The following RARB variants were observed in gnomAD, a reference collection of about 807,000 sequenced individuals.
The protein encoded by RARB is HBV-activated protein.
A neutral mutation model predicts 51.9 loss-of-function variants in RARB; 17 were observed. That is an observed-to-expected ratio of 0.33 (90% CI 0.22 to 0.49). RARB has a LOEUF of 0.49. RARB is among the 20% of genes least tolerant of loss of function. The pLI, the probability that RARB is intolerant of heterozygous loss-of-function variation, is 0.99. For missense variants in RARB, 369 were observed against 550.8 expected, an observed-to-expected ratio of 0.67 and a Z score of 3.30; for synonymous variants, 215 against 195.4, an observed-to-expected ratio of 1.10 and a Z score of -0.84.
intron 5 of RARB, among the ~76,000 whole-genome samples, chr3:25,178,907 CTGTTT>C (rs1476335765): frequency 1.3e-5 from 2 of 152,096 alleles, no homozygotes; most frequent in Admixed American, 6.5e-5. Context: ...GCTGCTTGTT[CTGTTT>C]TATTGCTGCA....
At chr3:25,452,000 G>A (rs1709214628) in intron 1 of RARB, among the ~76,000 whole-genome samples, 1 of 152,150 alleles carries the variant, frequency 6.6e-6, no homozygotes, top group Non-Finnish European at 1.5e-5. Context: ...CTCTTCAGGG[G>A]ACCTCAATAT....
intron 1 of RARB, among the ~76,000 whole-genome samples, chr3:24,837,369 C>G (rs929571711): frequency 3.3e-5 from 5 of 152,184 alleles, no homozygotes; most frequent in Non-Finnish European, 7.4e-5. Context: ...GTTTGAAAAA[C>G]AGAGTTTGAC....
At chr3:25,295,149 A>T (rs1402746027) in intron 5 of RARB, among the ~76,000 whole-genome samples, 6 of 152,202 alleles carry the variant, frequency 3.9e-5, no homozygotes. Flanking sequence ...GCTCTTAAGT[A>T]CTTGTGTTCA....
At chr3:24,941,192 T>A (rs776520003) in intron 2 of RARB, among the ~76,000 whole-genome samples, 7 of 150,940 alleles carry the variant, frequency 4.6e-5, no homozygotes, top group Admixed American at 6.6e-5. Context: ...ATAGGGAAAT[T>A]CATCAGAATC....
intron 1 of RARB, among the ~76,000 whole-genome samples, chr3:25,435,886 A>G (rs1708412031): frequency 6.6e-6 from 1 of 152,196 alleles, no homozygotes. Context: ...ATATTACAGT[A>G]GTCGTGCCAT....
chr3:25,013,281 A>G (rs1259491957), intron 2 of RARB, among the ~76,000 whole-genome samples: 1 of 152,070 alleles, frequency 6.6e-6, no homozygotes, highest in Non-Finnish European at 1.5e-5. Context: ...TCAGACCCTT[A>G]TGTCAACCTG....
At chr3:24,845,122 A>C (rs1242640389) in intron 1 of RARB, among the ~76,000 whole-genome samples, 1 of 152,166 alleles carries the variant, frequency 6.6e-6, no homozygotes, top group Non-Finnish European at 1.5e-5. Flanking sequence ...TATTAAGGAT[A>C]TTTTCCTCTT....
Position 25,528,731 on chromosome 3 carries a change from G to GGA in RARB, c.448+27408_448+27409insGA, listed in dbSNP as rs1553628463. ...GAGGGTAGAGATGGCTGCCTTAGGA[G>GGA]AAAAAAGATTCTTATTTCTCCTCTA... On this transcript the variant is annotated intron_variant, in intron 3 of 7. Transcript: ENST00000330688. 5.8e-3 allele frequency among the ~76,000 whole-genome samples: 873 copies of GGA among 151,696 alleles called. 14 individuals are homozygous for GGA. The highest frequency in any genetic ancestry group is 0.05 in the East Asian group (253 of 5,088).
rs114452622 is a variant in RARB at position 25,411,334 on chromosome 3, A to G, written c.179-49859A>G. Among the ~76,000 whole-genome samples the G allele has an allele frequency of 4.5e-3, 681 of 152,294 alleles. 7 individuals are homozygous for G. Among genetic ancestry groups the G allele is most frequent in the African/African-American group, 0.016 (658 of 41,564 alleles). On this transcript the variant is annotated intron_variant, in intron 5 of 11. Coordinates refer to the RARB transcript ENST00000383772. The stretch of plus-strand genomic sequence containing the variant: ...TTTTGGTGAATCAGTGATTTTATGA[A>G]ATGATAAAAACAACTCTTGGTAAAA...
chr3:25,265,464 A>G (rs1286526590), intron 5 of RARB, among the ~76,000 whole-genome samples: 1 of 152,088 alleles, frequency 6.6e-6, no homozygotes. Flanking sequence ...GGCAGCTTAA[A>G]CCACATATTT....
chr3:25,559,270 A>G (rs17592183), intron 3 of RARB, among the ~76,000 whole-genome samples: 7,253 of 152,306 alleles, frequency 0.048, 219 homozygotes, highest in Non-Finnish European at 0.07. Context: ...TGGACTGTGC[A>G]CTGAGGATTT....
intron 4 of RARB, among the ~76,000 whole-genome samples, chr3:25,162,515 A>T (rs986323656): frequency 6.6e-6 from 1 of 152,158 alleles, no homozygotes; most frequent in African/African-American, 2.4e-5. Context: ...CCATCATCAC[A>T]ATCTAATTGC....
chr3:25,127,956 C>A (rs4485683), intron 3 of RARB, among the ~76,000 whole-genome samples: 3,216 of 151,932 alleles, frequency 0.021, 87 homozygotes, highest in African/African-American at 0.064. Context: ...TAAGGATGAC[C>A]CTCCTAATGA....
intron 2 of RARB, among the ~76,000 whole-genome samples, chr3:25,021,902 A>T (rs976522429): frequency 1.1e-4 from 17 of 152,312 alleles, no homozygotes; most frequent in Non-Finnish European, 2.5e-4. Context: ...TTGTATTTAT[A>T]CATTTTAATT....
intron 2 of RARB, among the ~76,000 whole-genome samples, chr3:24,871,749 C>A (rs1370532864): frequency 6.6e-6 from 1 of 152,156 alleles, no homozygotes; most frequent in Non-Finnish European, 1.5e-5. Context: ...GAACACACCC[C>A]AGACCTGCAC....
chr3:24,996,437 C>G (rs1303522254), intron 2 of RARB, among the ~76,000 whole-genome samples: 1 of 151,790 alleles, frequency 6.6e-6, no homozygotes, highest in Non-Finnish European at 1.5e-5. Context: ...CTTTGGATTG[C>G]TTTTCTAATC....
intron 3 of RARB, among the ~76,000 whole-genome samples, chr3:25,082,768 C>G (rs1259565510): frequency 6.6e-6 from 1 of 151,994 alleles, no homozygotes; most frequent in Non-Finnish European, 1.5e-5. Flanking sequence ...TATTTTACTT[C>G]AAGCTGAAGA....
rs71057692 is a variant in RARB, at chr3:24,958,255, G to GTTTTTTTTTTTTTT, written c.-380+99524_-380+99537dup. Among the ~76,000 whole-genome samples, 7 of 69,464 alleles carry GTTTTTTTTTTTTTT rather than the reference G, an allele frequency of 1.0e-4. 1 individual carries two copies. The highest frequency in any genetic ancestry group is 1.5e-4 in the Non-Finnish European group (5 of 33,306). 45.6% of individuals were successfully genotyped at this position (69,464 alleles called of 152,430 possible). On this transcript the variant is annotated intron_variant, in intron 2 of 11. Transcript: ENST00000383772. ...ACCTGAAGCTTCCTGAGCTGCTCAG[G>GTTTTTTTTTTTTTT]TTTTTTTTTTTTTTTTTTTTTTTTT...
At chr3:24,917,638 C>G (rs937884863) in intron 2 of RARB, among the ~76,000 whole-genome samples, 3 of 152,232 alleles carry the variant, frequency 2.0e-5, no homozygotes, top group African/African-American at 7.2e-5. Flanking sequence ...TCAAGCGATT[C>G]TCCTGCCTCA....
Sources: gnomAD v4.1 joint callset for allele counts (sites outside exome capture counted in the v4.1 genomes callset) on GRCh38, gnomAD v4.1.1 for gene constraint, MANE v1.5 for transcripts, NCBI Gene and HGNC (gene_info 2026-07-23, HGNC 2026-07-21) for gene names.